SLC26A2: variants seen among roughly 807,000 people sequenced by gnomAD.
SLC26A2 encodes solute carrier family 26 member 2.
SLC26A2 carries 36 observed loss-of-function variants against 41.1 expected under a neutral mutation model. The ratio of observed to expected loss-of-function variants is 0.88; its 90% confidence interval spans 0.67 to 1.16. The LOEUF (loss-of-function observed/expected upper bound fraction) is 1.16, where lower values mean the gene tolerates loss of function less well. Among genes scored for constraint, SLC26A2 ranks in the 50% most tolerant of loss-of-function variants. The pLI is 0.00. For missense variants in SLC26A2, 796 were observed against 869.6 expected (o/e 0.92, Z 1.07); for synonymous variants, 291 against 311.6 (o/e 0.93, Z 0.70).
In SLC26A2 at chr5:149,982,087, A is replaced by G. The variant is rs1581232954; in HGVS notation, c.*274A>G. ...TAAGTATGTATTGAACTGTACTGTA[A>G]AGTAGCTCCAAAACTTAATTACTCT... On this transcript the variant is annotated 3_prime_UTR_variant, in exon 3 of 3. Coordinates refer to ENST00000286298, the MANE Select transcript of SLC26A2 (RefSeq NM_000112.4). The G allele has an allele frequency of 2.7e-6, 1 of 372,270 alleles. No individual in the cohort carries two copies. The highest frequency in any genetic ancestry group is 4.4e-5 in the South Asian group (1 of 22,654). The allele number at this position is 372,270 out of a possible 1,614,324, so 23.1% of individuals were successfully genotyped here.
At chr5:149,965,008 A>T (rs6875089) in intron 1 of SLC26A2, among the ~76,000 whole-genome samples, 6,396 of 152,266 alleles carry the variant, frequency 0.042, 427 homozygotes, top group African/African-American at 0.15. Context: ...ATGGAGAGAG[A>T]GTGTGTTAAC....
intron 1 of SLC26A2, among the ~76,000 whole-genome samples, chr5:149,966,976 AG>A (rs1192290728): frequency 6.6e-6 from 1 of 152,190 alleles, no homozygotes; most frequent in African/African-American, 2.4e-5. Context: ...ACGATTTCTT[AG>A]GAATTGAAAT....
At chr5:149,977,010 C>G (rs894936944) in intron 1 of SLC26A2, among the ~76,000 whole-genome samples, 15 of 152,232 alleles carry the variant, frequency 9.9e-5, no homozygotes, top group African/African-American at 3.1e-4. Flanking sequence ...TCTTTCCTAC[C>G]AAGCAAGGGA....
chr5:149,977,838 A>G lies in SLC26A2; in HGVS notation c.186A>G (p.Ser62=), dbSNP rs1380811777. 3 of 1,614,224 alleles carry G rather than the reference A, an allele frequency of 1.9e-6. No individual in the cohort carries two copies. The highest frequency in any genetic ancestry group is 1.3e-5 in the African/African-American group (1 of 75,068). Residue 62 remains serine, a synonymous_variant, in exon 2 of 3, where the codon TCA becomes TCG. Transcript: ENST00000286298. ...TCCTTATTGAGCGTCAAGAGAAATC[A>G]GATACAAACTTCAAGGAGTTTGTTA... ...HRILIERQEK[S]DTNFKEFVIK... is the part of the protein sequence containing the mutation.
chr5:149,976,601 T>C (rs960291566), intron 1 of SLC26A2, among the ~76,000 whole-genome samples: 1 of 152,254 alleles, frequency 6.6e-6, no homozygotes, highest in Non-Finnish European at 1.5e-5. Flanking sequence ...GCCTGGTTCA[T>C]TTTCTTCTCT....
chr5:149,976,174 AT>A (rs1362777167), intron 1 of SLC26A2, among the ~76,000 whole-genome samples: 53 of 151,410 alleles, frequency 3.5e-4, no homozygotes, highest in African/African-American at 1.1e-3. Flanking sequence ...AAAAAAAAAA[AT>A]GTCTCTATCT....
intron 1 of SLC26A2, among the ~76,000 whole-genome samples, chr5:149,965,098 G>C (rs1026048252): frequency 1.3e-4 from 20 of 152,102 alleles, no homozygotes; most frequent in Admixed American, 1.3e-3. Flanking sequence ...CAACTTTTCT[G>C]AAGATTTAAA....
chr5:149,962,057 T>C (rs892394592), intron 1 of SLC26A2: 3 of 152,324 alleles, frequency 2.0e-5, no homozygotes, highest in South Asian at 2.1e-4. Flanking sequence ...TGCTGAGCAG[T>C]ATAGCTGGGA....
chr5:149,974,629 T>G (rs1297794066), intron 1 of SLC26A2, among the ~76,000 whole-genome samples: 1 of 151,724 alleles, frequency 6.6e-6, no homozygotes, highest in Non-Finnish European at 1.5e-5. Flanking sequence ...TTCACCATGT[T>G]GGCCAGGATG....
intron 1 of SLC26A2, among the ~76,000 whole-genome samples, chr5:149,969,102 T>C (rs1754857682): frequency 6.6e-6 from 1 of 152,186 alleles, no homozygotes; most frequent in South Asian, 2.1e-4. Flanking sequence ...TAATTCTTCT[T>C]GGAAAAGTTT....
chr5:149,981,607 A>G lies in SLC26A2; in HGVS notation c.2014A>G (p.Arg672Gly). ...AGIHTLKEVRRDYEAIGIQVL... is the reference protein window; with the variant it reads ...AGIHTLKEVRGDYEAIGIQVL... ...GATCCACACACTGAAAGAAGTTCGC[A>G]GAGATTATGAAGCCATTGGAATCCA... Residue 672 changes from arginine (R) to glycine (G), a missense_variant, in exon 3 of 3, where the codon AGA (arginine) becomes GGA (glycine). Transcript: ENST00000286298. 5.6e-6 allele frequency: 9 copies of G among 1,614,144 alleles called. No homozygotes were observed. Among genetic ancestry groups the G allele is most frequent in the Non-Finnish European group, 7.6e-6 (9 of 1,179,994 alleles).
At position 149,980,901 on chromosome 5, in the gene SLC26A2, T is replaced by C; in HGVS notation, c.1308T>C (p.Thr436=). ...CTTCCTTCTTCCACTGTTTTACTAC[T>C]AGTGCAGCTCTTGCAAAGACATTGG... ...IIPSFFHCFT[T]SAALAKTLVK... The change falls in exon 3 of 3, where the codon ACT becomes ACC. Residue 436 remains threonine, a synonymous_variant. Coordinates refer to ENST00000286298, the MANE Select transcript of SLC26A2 (RefSeq NM_000112.4). The C allele has an allele frequency of 6.2e-7, 1 of 1,614,194 alleles. No homozygotes were observed. The highest frequency in any genetic ancestry group is 8.5e-7 in the Non-Finnish European group (1 of 1,180,000).
At position 149,980,613 on chromosome 5, in the gene SLC26A2, T is replaced by C. The variant is rs1158219119; in HGVS notation, c.1020T>C (p.Val340=). 19 of 1,614,092 alleles carry C rather than the reference T, an allele frequency of 1.2e-5. No homozygotes were observed. Among genetic ancestry groups the C allele is most frequent in the Non-Finnish European group, 1.6e-5 (19 of 1,179,964 alleles). ...CGATTCCTATTGAACTTGTTGTTGT[T>C]GTAGCAGCCACATTAGCCTCTCATT... ...KAPIPIELVV[V]VAATLASHFG... The change falls in exon 3 of 3, where the codon GTT becomes GTC. Residue 340 remains valine (V), a synonymous_variant. Coordinates refer to ENST00000286298, the MANE Select transcript of SLC26A2 (RefSeq NM_000112.4).
intron 1 of SLC26A2, among the ~76,000 whole-genome samples, chr5:149,968,837 A>G (rs1754853045): frequency 1.1e-5 from 1 of 93,612 alleles, no homozygotes. Context: ...TTTGTGCCTC[A>G]GCTTGCTGAG....
Position 149,980,546 on chromosome 5 carries a change from C to T in SLC26A2, c.953C>T (p.Thr318Ile). The T allele has an allele frequency of 1.2e-6, 2 of 1,614,162 alleles. No homozygotes were observed. The highest frequency in any genetic ancestry group is 1.7e-6 in the Non-Finnish European group (2 of 1,180,022). Reference protein sequence around the residue: ...SLLCLLVLLPTKELNEHFKSK... With the variant: ...SLLCLLVLLPIKELNEHFKSK... ...TTGTGCCTTTTGGTTCTTTTGCCAACCAAAGAACTCAATGAACACTTCAAA... is the reference window on the plus strand; with the variant it reads ...TTGTGCCTTTTGGTTCTTTTGCCAATCAAAGAACTCAATGAACACTTCAAA... Residue 318 changes from threonine to isoleucine, a missense_variant, in exon 3 of 3, where the codon ACC (threonine) becomes ATC (isoleucine). Coordinates refer to ENST00000286298, the MANE Select transcript of SLC26A2 (RefSeq NM_000112.4).
In SLC26A2 at chr5:149,978,340, G is replaced by A; in HGVS notation, c.688G>A (p.Gly230Arg). The change falls in exon 2 of 3, where the codon GGA (glycine) becomes AGA (arginine). Residue 230 changes from glycine to arginine, a missense_variant. Gly to Arg is a moderately radical substitution (Grantham distance 125). Transcript: ENST00000286298. ...MVGSTVTFIA[G>R]VYQVAMGFFQ... Reference sequence around the variant, plus strand: ...TGGCAGCACTGTAACCTTTATAGCTGGAGTTTATCAGGTAAGCAGCAATGA... The same window carrying A: ...TGGCAGCACTGTAACCTTTATAGCTAGAGTTTATCAGGTAAGCAGCAATGA... 6.2e-7 allele frequency: 1 copy of A among 1,611,454 alleles called. No individual in the cohort carries two copies. The highest frequency in any genetic ancestry group is 8.5e-7 in the Non-Finnish European group (1 of 1,179,138).
rs140641532 is a variant in SLC26A2 at position 149,982,207 on chromosome 5, T to A, written c.*394T>A. On this transcript the variant is annotated 3_prime_UTR_variant, in exon 3 of 3. Coordinates refer to ENST00000286298, the MANE Select transcript of SLC26A2 (RefSeq NM_000112.4). ...ATTGGAAGTGCTGTAGACTTCTTTA[T>A]GTGGCTCAGTGGAGAGAGGGAAAGA... 1,434 of 176,554 alleles carry A rather than the reference T, an allele frequency of 8.1e-3. 24 individuals carry two copies. The highest frequency in any genetic ancestry group is 0.032 in the African/African-American group (1,351 of 41,982). 10.9% of individuals were successfully genotyped at this position (176,554 alleles called of 1,614,324 possible). A position where few individuals can be genotyped will look rare whatever the true frequency, so the allele number is the denominator to read the frequency against.
In SLC26A2 at chr5:149,976,908, CAAAA is replaced by C. The variant is rs543912268; in HGVS notation, c.-25-718_-25-715del. On this transcript the variant is annotated intron_variant, in intron 1 of 2. Coordinates refer to ENST00000286298, the MANE Select transcript of SLC26A2 (RefSeq NM_000112.4). ...CCATACTAGAACATAGTGGAATAGA[CAAAA>C]ACCTTCTACAGCATGTATGAGACAC... 1.4e-4 allele frequency among the ~76,000 whole-genome samples: 21 copies of C among 152,350 alleles called. No homozygotes were observed. In the East Asian group the frequency reaches 4.0e-3, roughly 29 times the overall value.
chr5:149,968,247 C>T (rs936346227), intron 1 of SLC26A2, among the ~76,000 whole-genome samples: 6 of 151,916 alleles, frequency 3.9e-5, no homozygotes, highest in African/African-American at 7.3e-5. Flanking sequence ...AATATCTGTT[C>T]GAGTTACAGT....
Sources: allele counts gnomAD v4.1 joint callset (sites outside exome capture counted in the v4.1 genomes callset), GRCh38; gene constraint gnomAD v4.1.1; transcripts MANE v1.5; gene names NCBI Gene and HGNC (gene_info 2026-07-23, HGNC 2026-07-21).